The following FAR2 variants were observed in gnomAD, a reference collection of about 807,000 sequenced individuals.
The protein encoded by FAR2 is fatty acyl-CoA reductase 2.
Under a neutral mutation model 56.0 loss-of-function variants are expected in FAR2, and 19 were observed. The observed-to-expected ratio is 0.34, with a 90% CI of 0.24 to 0.50. FAR2 has a LOEUF of 0.50. FAR2 is among the 20% of genes least tolerant of loss of function. FAR2 has a pLI of 0.98. For missense variants in FAR2, 508 were observed against 642.2 expected (o/e 0.79, Z 2.26); for synonymous variants, 219 against 218.8 (o/e 1.00, Z -0.01).
chr12:29,244,981 C>T (rs1012958882), intron 1 of FAR2, among the ~76,000 whole-genome samples: 6 of 151,654 alleles, frequency 4.0e-5, no homozygotes, highest in Non-Finnish European at 5.9e-5. Context: ...AGTTTCTGTC[C>T]GCACTTTTTT....
intron 1 of FAR2, among the ~76,000 whole-genome samples, chr12:29,149,615 G>C (rs1005994036): frequency 6.6e-6 from 1 of 152,246 alleles, no homozygotes; most frequent in Non-Finnish European, 1.5e-5. Context: ...GCCCCCGGCT[G>C]CACCCCAATC....
intron 10 of FAR2, among the ~76,000 whole-genome samples, chr12:29,330,352 T>G (rs1027128553): frequency 1.3e-5 from 2 of 152,196 alleles, no homozygotes; most frequent in African/African-American, 4.8e-5. Context: ...CCACCACGCC[T>G]GGCCCATTTA....
intron 1 of FAR2, among the ~76,000 whole-genome samples, chr12:29,239,560 G>A (rs527850365): frequency 6.6e-6 from 1 of 151,916 alleles, no homozygotes; most frequent in East Asian, 1.9e-4. Flanking sequence ...TTGAGTAACA[G>A]CTCCCAAAAG....
intron 1 of FAR2, among the ~76,000 whole-genome samples, chr12:29,182,250 C>G (rs952406098): frequency 6.6e-6 from 1 of 152,174 alleles, no homozygotes; most frequent in Non-Finnish European, 1.5e-5. Context: ...AACACAGCTT[C>G]CACGTATGGA....
chr12:29,317,357 A>C (rs1189741924), intron 9 of FAR2, among the ~76,000 whole-genome samples: 2 of 152,248 alleles, frequency 1.3e-5, no homozygotes, highest in Admixed American at 6.5e-5. Flanking sequence ...TGTATGAAAC[A>C]GAAATGAATT....
chr12:29,311,973 T>G (rs1022684850), intron 8 of FAR2, 23 bp downstream of exon 8: 2 of 1,561,056 alleles, frequency 1.3e-6, no homozygotes, highest in Non-Finnish European at 1.8e-6. Context: ...GCTATGTAAC[T>G]CTATAATTAC....
At chr12:29,193,734 A>C (rs191068192) in intron 1 of FAR2, among the ~76,000 whole-genome samples, 1 of 152,368 alleles carries the variant, frequency 6.6e-6, no homozygotes, top group Admixed American at 6.5e-5. Flanking sequence ...TTGTGTGGAC[A>C]TAAATTTTCA....
intron 2 of FAR2, among the ~76,000 whole-genome samples, chr12:29,284,133 C>T (rs935126862): frequency 6.6e-6 from 1 of 152,070 alleles, no homozygotes; most frequent in African/African-American, 2.4e-5. Context: ...AGTATCTATA[C>T]CAAGGGAATA....
chr12:29,170,924 C>A (rs1165172252), intron 1 of FAR2, among the ~76,000 whole-genome samples: 1 of 152,262 alleles, frequency 6.6e-6, no homozygotes, highest in Non-Finnish European at 1.5e-5. Context: ...GCAACAACTC[C>A]ATGATTTCCT....
At chr12:29,209,692 C>CTG (rs34881464) in intron 1 of FAR2, among the ~76,000 whole-genome samples, 10,686 of 149,076 alleles carry the variant, frequency 0.072, 490 homozygotes, top group African/African-American at 0.14. Context: ...GATGTCTGCT[C>CTG]TGTGTGTGTG....
intron 1 of FAR2, among the ~76,000 whole-genome samples, chr12:29,161,600 G>A (rs1949782543): frequency 6.6e-6 from 1 of 152,200 alleles, no homozygotes; most frequent in Non-Finnish European, 1.5e-5. Flanking sequence ...GAGCTGCTAT[G>A]AGCATTCTTG....
chr12:29,316,931 C>T lies in FAR2; in HGVS notation c.1046C>T (p.Ser349Leu), dbSNP rs746052652. 7 of 1,614,014 alleles carry T rather than the reference C, an allele frequency of 4.3e-6. No homozygotes were observed. The highest frequency in any genetic ancestry group is 5.9e-6 in the Non-Finnish European group (7 of 1,180,012). ...NANFTSNSFT[S>L]QYWNAVSHRA... is the part of the protein sequence containing the mutation. ...AATTTTACCAGCAACAGCTTCACAT[C>T]ACAGTACTGGAATGCGGTCAGCCAC... Residue 349 changes from serine to leucine, a missense_variant, in exon 9 of 12, where the codon TCA becomes TTA. By Grantham distance (145) the Ser-to-Leu change is moderately radical (BLOSUM62 -2). Transcript: ENST00000536681.
At chr12:29,261,616 A>G (rs1018511623) in intron 1 of FAR2, among the ~76,000 whole-genome samples, 4 of 152,198 alleles carry the variant, frequency 2.6e-5, no homozygotes, top group Non-Finnish European at 1.5e-5. Flanking sequence ...TTATCTCAAG[A>G]CATATAATAA....
At position 29,264,226 on chromosome 12, in the gene FAR2, T is replaced by C. The variant is rs1212794778; in HGVS notation, c.-38-6186T>C. Among the ~76,000 whole-genome samples the C allele has an allele frequency of 2.0e-5, 3 of 152,160 alleles. No homozygotes were observed. In the East Asian group the frequency reaches 5.8e-4, roughly 29 times the overall value. On this transcript the variant is annotated intron_variant, in intron 1 of 11. Transcript: ENST00000536681. Reference sequence around the variant, plus strand: ...AACAGAATGAAGGACAAAAACCATATGATCATTTCAGTTAATGCTGAAAAA... The same window carrying C: ...AACAGAATGAAGGACAAAAACCATACGATCATTTCAGTTAATGCTGAAAAA...
At chr12:29,315,098 C>G (rs149768655) in intron 8 of FAR2, among the ~76,000 whole-genome samples, 2 of 152,072 alleles carry the variant, frequency 1.3e-5, no homozygotes, top group Admixed American at 1.3e-4. Context: ...ATAAAACAGA[C>G]TAAAGAAGTA....
At chr12:29,249,689 A>G (rs911109117) in intron 1 of FAR2, among the ~76,000 whole-genome samples, 3 of 152,212 alleles carry the variant, frequency 2.0e-5, no homozygotes, top group Non-Finnish European at 4.4e-5. Context: ...TTCTGATAGT[A>G]TCCATTTGCT....
At chr12:29,211,252 C>T (rs1947543418) in intron 1 of FAR2, among the ~76,000 whole-genome samples, 1 of 152,088 alleles carries the variant, frequency 6.6e-6, no homozygotes, top group African/African-American at 2.4e-5. Context: ...GATCACGCCA[C>T]TGCACTCCGG....
Position 29,270,279 on chromosome 12 carries a change from CCACGATGCTCT to C in FAR2, c.-38-129_-38-119del, listed in dbSNP as rs1172339671. On this transcript the variant is annotated intron_variant, in intron 1 of 11. Transcript: ENST00000536681. The stretch of plus-strand genomic sequence containing the variant: ...TGGAATGAGTCGTATTGCTTAAAAG[CCACGATGCTCT>C]CACTGTCTGACCTATTTTTTTCTGC... 6 of 568,300 alleles carry C rather than the reference CCACGATGCTCT, an allele frequency of 1.1e-5. No homozygotes were observed. In the African/African-American group the frequency reaches 1.1e-4, roughly 11 times the overall value. The allele number at this position is 568,300 out of a possible 1,614,324, so 35.2% of individuals were successfully genotyped here.
chr12:29,260,075 ATAAT>A (rs1161253892), intron 1 of FAR2, among the ~76,000 whole-genome samples: 2 of 152,346 alleles, frequency 1.3e-5, no homozygotes, highest in East Asian at 1.9e-4. Context: ...AGTTTAAAAA[ATAAT>A]TAATGTAATT....
Sources: allele counts gnomAD v4.1 joint callset (sites outside exome capture counted in the v4.1 genomes callset), GRCh38; gene constraint gnomAD v4.1.1; transcripts MANE v1.5; gene names NCBI Gene and HGNC (gene_info 2026-07-23, HGNC 2026-07-21).